Variants in SEL1L3 observed in about 807,000 individuals in gnomAD.
The protein encoded by SEL1L3 is protein sel-1 homolog 3.
SEL1L3 carries 76 observed loss-of-function variants against 142.8 expected under a neutral mutation model. The ratio of observed to expected loss-of-function variants is 0.53; its 90% CI spans 0.44 to 0.64. The LOEUF (loss-of-function observed/expected upper bound fraction) is 0.64. Ranked by LOEUF, SEL1L3 falls within the 30% of genes least tolerant of loss-of-function variation. The pLI, the probability that SEL1L3 is intolerant of heterozygous loss-of-function variation, is 0.00. For synonymous variants in SEL1L3, 504 were observed against 519.6 expected, an observed-to-expected ratio of 0.97 and a Z score of 0.41; for missense variants, 1,262 against 1,381.7, an observed-to-expected ratio of 0.91 and a Z score of 1.37.
At chr4:25,793,450 T>C (rs981265801) in intron 11 of SEL1L3, among the ~76,000 whole-genome samples, 1 of 151,456 alleles carries the variant, frequency 6.6e-6, no homozygotes, top group Non-Finnish European at 1.5e-5. Context: ...AGCCCAGCTA[T>C]TTTTTTTGTA....
chr4:25,801,456 G>A (rs1374214282), intron 11 of SEL1L3, among the ~76,000 whole-genome samples: 1 of 152,136 alleles, frequency 6.6e-6, no homozygotes, highest in African/African-American at 2.4e-5. Context: ...ACCACCATTC[G>A]ATGCAGATCT....
intron 16 of SEL1L3, chr4:25,777,511 GATGTTGATCCA>G (rs1719716545): frequency 4.3e-6 from 1 of 233,196 alleles, no homozygotes; most frequent in Non-Finnish European, 8.6e-6. Flanking sequence ...TATATATGTA[GATGTTGATCCA>G]GCAAGTTCAG....
chr4:25,772,736 C>A (rs1719315142), intron 17 of SEL1L3, among the ~76,000 whole-genome samples: 3 of 152,126 alleles, frequency 2.0e-5, no homozygotes, highest in Admixed American at 6.6e-5. Context: ...TGATCTGTTA[C>A]AGCAGTGAAT....
At chr4:25,792,844 T>C (rs1375158821) in intron 11 of SEL1L3, among the ~76,000 whole-genome samples, 2 of 152,216 alleles carry the variant, frequency 1.3e-5, no homozygotes, top group Non-Finnish European at 2.9e-5. Context: ...GTGCTCTTAA[T>C]GTTTTGTTTT....
In SEL1L3 at chr4:25,767,935, TA is replaced by T. The variant is rs982816058; in HGVS notation, c.2670-106del. On this transcript the variant is annotated intron_variant, in intron 17 of 23. Coordinates refer to ENST00000399878, the MANE Select transcript of SEL1L3 (RefSeq NM_015187.5). ...GAGGGCACAAAATAAGCAGTTTTTT[TA>T]AAAAAACCACAAAATCGTGAGTTTT... 9.1e-5 allele frequency: 63 copies of T among 692,528 alleles called. 1 individual carries two copies. The South Asian group carries it at 9.9e-4, about 11-fold the overall frequency. 42.9% of individuals were successfully genotyped at this position (692,528 alleles called of 1,614,324 possible). A position where few individuals can be genotyped will look rare whatever the true frequency, so the allele number is the denominator to read the frequency against.
rs150450695 is a variant in SEL1L3 at position 25,765,063 on chromosome 4, C to T, written c.2955+263G>A. Among the ~76,000 whole-genome samples, 1,349 of 152,200 alleles carry T rather than the reference C, an allele frequency of 8.9e-3. 21 individuals are homozygous for T. The highest frequency in any genetic ancestry group is 0.029 in the African/African-American group (1,200 of 41,520). ...AGGCTGGAGTGCAATGGTGTGATCA[C>T]GGCTTGCTGCAGCCTTGACTTGACA... is the stretch of plus-strand genomic sequence containing the variant. On this transcript the variant is annotated intron_variant, in intron 20 of 23. Coordinates refer to ENST00000399878, the MANE Select transcript of SEL1L3 (RefSeq NM_015187.5).
intron 12 of SEL1L3, among the ~76,000 whole-genome samples, chr4:25,790,152 G>C (rs1369308555): frequency 6.6e-6 from 1 of 152,162 alleles, no homozygotes. Context: ...AAGTCAAGAG[G>C]GGCCACGTGA....
chr4:25,807,725 T>G (rs1054300556), intron 9 of SEL1L3, among the ~76,000 whole-genome samples: 1 of 152,124 alleles, frequency 6.6e-6, no homozygotes, highest in Non-Finnish European at 1.5e-5. Flanking sequence ...ACACTTGTCC[T>G]GCCGACCCCT....
rs1010407405 is a variant in SEL1L3, at chr4:25,756,806, G to A, written c.3259+728C>T. 4.0e-6 allele frequency: 5 copies of A among 1,246,662 alleles called. No individual in the cohort carries two copies. In the South Asian group the frequency reaches 5.4e-5, roughly 13 times the overall value. The allele number at this position is 1,246,662 out of a possible 1,614,324, so 77.2% of individuals were successfully genotyped here. ...GGATTTTTATTCATTACGAGTGTTT[G>A]TTTATCCTCTTACACATCTGATTGC... is the stretch of plus-strand genomic sequence containing the variant. On this transcript the variant is annotated intron_variant, in intron 23 of 23. Coordinates refer to ENST00000399878, the MANE Select transcript of SEL1L3 (RefSeq NM_015187.5).
At chr4:25,767,876 T>A (rs751345975) in intron 17 of SEL1L3, 46 bp from the exon 18 acceptor site, 1 of 1,182,922 alleles carries the variant, frequency 8.5e-7, no homozygotes, top group South Asian at 1.3e-5. Flanking sequence ...TGGCTCTTAC[T>A]AATATTCACA....
At chr4:25,832,897 T>C (rs2109283502) in intron 5 of SEL1L3, 98 bp downstream of exon 5, 1 of 702,988 alleles carries the variant, frequency 1.4e-6, no homozygotes, top group Non-Finnish European at 2.5e-6. Flanking sequence ...TACCACAAAT[T>C]TGCTTTTGCA....
chr4:25,728,526 C>T, the SEL1L3 span, among the ~76,000 whole-genome samples: 1 of 152,128 alleles, frequency 6.6e-6, no homozygotes, highest in African/African-American at 2.4e-5. Context: ...ACCTGGCATG[C>T]CCTTTCCTAC....
chr4:25,800,091 T>C (rs1192585516), intron 11 of SEL1L3, among the ~76,000 whole-genome samples: 1 of 152,174 alleles, frequency 6.6e-6, no homozygotes, highest in Non-Finnish European at 1.5e-5. Context: ...GGGAGAGCAC[T>C]AATAAAGATG....
intron 2 of SEL1L3, among the ~76,000 whole-genome samples, chr4:25,841,896 G>A (rs544063799): frequency 6.6e-6 from 1 of 152,212 alleles, no homozygotes; most frequent in East Asian, 1.9e-4. Context: ...GGAGGCGGAG[G>A]GTGCAGTGAG....
chr4:25,739,751 G>GA, the SEL1L3 span, among the ~76,000 whole-genome samples: 1 of 132,730 alleles, frequency 7.5e-6, no homozygotes, highest in East Asian at 2.1e-4. Flanking sequence ...TATTCTGAAA[G>GA]AAAAAATAAT....
intron 1 of SEL1L3, among the ~76,000 whole-genome samples, chr4:25,852,044 A>AC (rs555651724): frequency 5.8e-4 from 87 of 151,114 alleles, no homozygotes; most frequent in East Asian, 3.5e-3. Flanking sequence ...TGTCCATGCC[A>AC]CCCCCCCCAG....
chr4:25,800,054 A>C (rs1298227786), intron 11 of SEL1L3, among the ~76,000 whole-genome samples: 2 of 152,242 alleles, frequency 1.3e-5, no homozygotes, highest in African/African-American at 4.8e-5. Flanking sequence ...GCAGAGTCCT[A>C]CTAAAGCATA....
chr4:25,787,422 G>C (rs1711927693), intron 13 of SEL1L3, among the ~76,000 whole-genome samples: 2 of 152,254 alleles, frequency 1.3e-5, no homozygotes, highest in South Asian at 4.1e-4. Context: ...CCAGGTTCAA[G>C]CAGTTTTCCT....
At chr4:25,750,514 A>G (rs933378161) in intron 23 of SEL1L3, among the ~76,000 whole-genome samples, 1 of 152,198 alleles carries the variant, frequency 6.6e-6, no homozygotes, top group Non-Finnish European at 1.5e-5. Flanking sequence ...TATACAGGGG[A>G]AAACCCTAGA....
Sources: allele counts gnomAD v4.1 joint callset (sites outside exome capture counted in the v4.1 genomes callset), GRCh38; gene constraint gnomAD v4.1.1; transcripts MANE v1.5; gene names NCBI Gene and HGNC (gene_info 2026-07-23, HGNC 2026-07-21).